Variants in KCNH7 observed in about 807,000 individuals in gnomAD.
KCNH7 encodes potassium voltage-gated channel subfamily H member 7, also known as voltage-gated inwardly rectifying potassium channel KCNH7.
A neutral mutation model predicts 120.8 loss-of-function variants in KCNH7; 49 were observed. The observed-to-expected ratio is 0.41, with a 90% CI of 0.32 to 0.51. The LOEUF (loss-of-function observed/expected upper bound fraction) is 0.51. Ranked by LOEUF, KCNH7 falls within the 20% of genes least tolerant of loss-of-function variation. KCNH7 has a pLI of 0.38. For synonymous variants in KCNH7, 547 were observed against 516.1 expected (o/e 1.06, Z -0.81); for missense variants, 1,097 against 1,446.6 (o/e 0.76, Z 3.92).
intron 6 of KCNH7, among the ~76,000 whole-genome samples, chr2:162,464,418 T>C (rs2105615874): frequency 6.6e-6 from 1 of 152,110 alleles, no homozygotes; most frequent in Non-Finnish European, 1.5e-5. Flanking sequence ...AATCTCATAA[T>C]ACCTAACTGA....
chr2:162,404,298 T>G (rs1479627755), intron 9 of KCNH7, among the ~76,000 whole-genome samples: 1 of 151,952 alleles, frequency 6.6e-6, no homozygotes, highest in Non-Finnish European at 1.5e-5. Flanking sequence ...AATCTAATTT[T>G]AAAGACCAAG....
At chr2:162,760,279 T>A (rs183879430) in intron 2 of KCNH7, among the ~76,000 whole-genome samples, 3 of 152,230 alleles carry the variant, frequency 2.0e-5, no homozygotes, top group Non-Finnish European at 4.4e-5. Flanking sequence ...AATACTTTGC[T>A]CTGACATACA....
chr2:162,796,458 T>G (rs1684151482), intron 2 of KCNH7: 1 of 152,148 alleles, frequency 6.6e-6, no homozygotes, highest in Non-Finnish European at 1.5e-5. Flanking sequence ...CTCAACTACC[T>G]GCCTCAGGTA....
intron 2 of KCNH7, among the ~76,000 whole-genome samples, chr2:162,643,721 G>C (rs188531485): frequency 6.9e-6 from 1 of 145,650 alleles, no homozygotes; most frequent in Non-Finnish European, 1.5e-5. Flanking sequence ...CAGGTGAATC[G>C]CTTGAACCCA....
At chr2:162,412,491 A>T (rs963918335) in intron 9 of KCNH7, among the ~76,000 whole-genome samples, 1 of 152,190 alleles carries the variant, frequency 6.6e-6, no homozygotes, top group Non-Finnish European at 1.5e-5. Flanking sequence ...TAAGAGTTAG[A>T]ATAGACCTAC....
chr2:162,565,538 A>T (rs897753809), intron 2 of KCNH7, among the ~76,000 whole-genome samples: 3 of 152,074 alleles, frequency 2.0e-5, no homozygotes, highest in African/African-American at 7.2e-5. Flanking sequence ...AGAAAAAGTC[A>T]GCATTATTTT....
intron 10 of KCNH7, 43 bp downstream of exon 10, chr2:162,400,146 G>A (rs1385879057): frequency 1.9e-6 from 3 of 1,598,252 alleles, no homozygotes; most frequent in African/African-American, 1.3e-5. Flanking sequence ...TGCATTACAA[G>A]CTAATAACTG....
At chr2:162,442,387 C>A (rs1688452095) in intron 7 of KCNH7, among the ~76,000 whole-genome samples, 1 of 151,802 alleles carries the variant, frequency 6.6e-6, no homozygotes, top group East Asian at 1.9e-4. Flanking sequence ...TTTATTAACA[C>A]CTGTTACATA....
At chr2:162,657,591 A>T (rs1288633672) in intron 2 of KCNH7, among the ~76,000 whole-genome samples, 1 of 152,178 alleles carries the variant, frequency 6.6e-6, no homozygotes, top group Admixed American at 6.5e-5. Context: ...CCTACATAAA[A>T]AATATTTTGT....
intron 2 of KCNH7, among the ~76,000 whole-genome samples, chr2:162,608,884 A>G (rs1174266200): frequency 6.6e-6 from 1 of 152,240 alleles, no homozygotes; most frequent in African/African-American, 2.4e-5. Flanking sequence ...TTCCAGCCAG[A>G]CTGAAGTACT....
At chr2:162,372,876 G>A (rs548824982) in intron 15 of KCNH7, among the ~76,000 whole-genome samples, 52 of 152,184 alleles carry the variant, frequency 3.4e-4, no homozygotes, top group African/African-American at 1.2e-3. Context: ...TCAGAAGCAG[G>A]ATAAAGGACT....
At chr2:162,832,273 A>C (rs1685505144) in intron 2 of KCNH7, among the ~76,000 whole-genome samples, 1 of 152,136 alleles carries the variant, frequency 6.6e-6, no homozygotes, top group Admixed American at 6.6e-5. Context: ...TACCATCTGT[A>C]TCTCTTCTAC....
chr2:162,773,467 G>T (rs1683133100), intron 2 of KCNH7, among the ~76,000 whole-genome samples: 1 of 152,162 alleles, frequency 6.6e-6, no homozygotes, highest in South Asian at 2.1e-4. Flanking sequence ...CAGCCTCCTC[G>T]GCAACAGAGT....
chr2:162,688,010 C>T (rs1185139378), intron 2 of KCNH7, among the ~76,000 whole-genome samples: 4 of 151,846 alleles, frequency 2.6e-5, no homozygotes, highest in Non-Finnish European at 5.9e-5. Context: ...TATGTAGGAC[C>T]AATATTAAAG....
chr2:162,834,532 T>A (rs1258294335), intron 2 of KCNH7, among the ~76,000 whole-genome samples: 2 of 151,974 alleles, frequency 1.3e-5, no homozygotes, highest in African/African-American at 4.8e-5. Context: ...CAAACAATCC[T>A]CTAAATCAAA....
intron 2 of KCNH7, among the ~76,000 whole-genome samples, chr2:162,652,310 G>A (rs762278778): frequency 2.0e-5 from 3 of 152,150 alleles, no homozygotes; most frequent in Non-Finnish European, 4.4e-5. Flanking sequence ...ATACCATTTA[G>A]CAAGACTTTT....
intron 2 of KCNH7, among the ~76,000 whole-genome samples, chr2:162,721,037 G>T (rs1190104461): frequency 6.6e-6 from 1 of 152,014 alleles, no homozygotes; most frequent in Non-Finnish European, 1.5e-5. Context: ...AGATACTAAC[G>T]CTACGACTCA....
At chr2:162,734,264 A>G (rs1038223826) in intron 2 of KCNH7, among the ~76,000 whole-genome samples, 5 of 152,292 alleles carry the variant, frequency 3.3e-5, no homozygotes, top group African/African-American at 9.6e-5. Flanking sequence ...AATACTATGT[A>G]TAGGAAAATA....
At chr2:162,472,743 A>T (rs1181905638) in intron 6 of KCNH7, among the ~76,000 whole-genome samples, 1 of 152,228 alleles carries the variant, frequency 6.6e-6, no homozygotes, top group Non-Finnish European at 1.5e-5. Context: ...TACTGGGTAT[A>T]CACCCAAAGG....
Sources: allele counts gnomAD v4.1 joint callset (sites outside exome capture counted in the v4.1 genomes callset), GRCh38; gene constraint gnomAD v4.1.1; transcripts MANE v1.5; gene names NCBI Gene and HGNC (gene_info 2026-07-23, HGNC 2026-07-21).